The following CCDC175 variants were observed in gnomAD, a reference collection of about 807,000 sequenced individuals.
The protein encoded by CCDC175 is coiled-coil domain containing 175, also known as coiled-coil domain-containing protein 175.
Under a neutral mutation model 114.6 loss-of-function variants are expected in CCDC175, and 100 were observed. The observed-to-expected ratio is 0.87, with a 90% CI of 0.74 to 1.03. The LOEUF is 1.03. Ranked by LOEUF, CCDC175 falls within the 50% of genes least tolerant of loss-of-function variation. The pLI is 0.00. For synonymous variants in CCDC175, 306 were observed against 308.7 expected, an observed-to-expected ratio of 0.99 and a Z score of 0.09; for missense variants, 880 against 917.8, an observed-to-expected ratio of 0.96 and a Z score of 0.53.
chr14:59,538,282 G>A, intron 12 of CCDC175, 128 bp from the exon 13 acceptor site: 1 of 741,222 alleles, frequency 1.3e-6, no homozygotes, highest in Non-Finnish European at 2.1e-6. Flanking sequence ...TAATTTCTCA[G>A]CAACCACTGA....
intron 18 of CCDC175, among the ~76,000 whole-genome samples, chr14:59,511,225 C>T (rs1412184843): frequency 1.3e-5 from 2 of 152,146 alleles, no homozygotes; most frequent in African/African-American, 2.4e-5. Context: ...TCTGGGCCTC[C>T]GCAGCTCCAT....
intron 8 of CCDC175, among the ~76,000 whole-genome samples, chr14:59,548,806 A>G (rs1186717978): frequency 6.6e-6 from 1 of 152,206 alleles, no homozygotes; most frequent in Non-Finnish European, 1.5e-5. Context: ...ATAGCTCACA[A>G]AAGCAAAAAT....
intron 2 of CCDC175, among the ~76,000 whole-genome samples, chr14:59,573,340 T>C (rs1896936910): frequency 1.3e-5 from 2 of 152,150 alleles, no homozygotes; most frequent in African/African-American, 4.8e-5. Context: ...ACTGTCATAA[T>C]AGCTATAGCT....
chr14:59,539,297 G>C (rs1453261724), intron 11 of CCDC175, among the ~76,000 whole-genome samples: 3 of 152,214 alleles, frequency 2.0e-5, no homozygotes, highest in African/African-American at 7.2e-5. Flanking sequence ...TGCAATTAGG[G>C]CCAGGCGCAG....
In CCDC175 at chr14:59,568,703, C is replaced by T. The variant is rs1175634346; in HGVS notation, c.356-323G>A. ...TTCTACATGGGGCTTCTTTATGCAC[C>T]CACACCCATGCATGTATAACCCAGA... is the stretch of plus-strand genomic sequence containing the variant. On this transcript the variant is annotated intron_variant, in intron 3 of 19. Coordinates refer to ENST00000537690, the MANE Select transcript of CCDC175 (RefSeq NM_001164399.2). Among the ~76,000 whole-genome samples, 3 of 152,086 alleles carry T rather than the reference C, an allele frequency of 2.0e-5. No homozygotes were observed. In the East Asian group the frequency reaches 5.8e-4, roughly 29 times the overall value.
At chr14:59,534,399 A>G (rs1014992863) in intron 13 of CCDC175, among the ~76,000 whole-genome samples, 2 of 152,202 alleles carry the variant, frequency 1.3e-5, no homozygotes, top group African/African-American at 2.4e-5. Flanking sequence ...AGAGAGACCA[A>G]TGCAGATTCC....
At chr14:59,576,445 G>T (rs910992599) in intron 1 of CCDC175, among the ~76,000 whole-genome samples, 174 bp downstream of exon 1, 1 of 152,140 alleles carries the variant, frequency 6.6e-6, no homozygotes, top group African/African-American at 2.4e-5. Context: ...CTGGGCACTT[G>T]GTCCCACCCG....
intron 2 of CCDC175, among the ~76,000 whole-genome samples, 155 bp downstream of exon 2, chr14:59,574,788 A>C (rs1254906637): frequency 6.6e-6 from 1 of 152,232 alleles, no homozygotes; most frequent in African/African-American, 2.4e-5. Flanking sequence ...TAATTGTGCA[A>C]ATCCTTACAA....
intron 19 of CCDC175, among the ~76,000 whole-genome samples, chr14:59,508,464 T>C (rs1030785546): frequency 1.2e-4 from 15 of 123,660 alleles, no homozygotes; most frequent in African/African-American, 4.0e-4. Context: ...GGCACGTGCC[T>C]GTAGTCCCTG....
chr14:59,527,588 G>A (rs182529178), intron 14 of CCDC175, among the ~76,000 whole-genome samples: 3 of 152,150 alleles, frequency 2.0e-5, no homozygotes, highest in Admixed American at 6.5e-5. Flanking sequence ...GATTATCCCC[G>A]ATGAGCCAAA....
intron 19 of CCDC175, 57 bp from the exon 20 acceptor site, chr14:59,505,372 G>T (rs1009929388): frequency 4.5e-6 from 4 of 893,256 alleles, no homozygotes; most frequent in Middle Eastern, 3.5e-4. Flanking sequence ...CATTTGGGGG[G>T]TTATTAGTGT....
At chr14:59,529,977 T>G (rs1456143577) in intron 14 of CCDC175, among the ~76,000 whole-genome samples, 1 of 152,208 alleles carries the variant, frequency 6.6e-6, no homozygotes, top group Non-Finnish European at 1.5e-5. Flanking sequence ...ATTAAGAGAT[T>G]TAGTACTTGC....
At chr14:59,528,505 CA>C (rs1379480027) in intron 14 of CCDC175, among the ~76,000 whole-genome samples, 1 of 152,032 alleles carries the variant, frequency 6.6e-6, no homozygotes, top group African/African-American at 2.4e-5. Context: ...CTTACTTCGT[CA>C]TATATAGTAG....
intron 7 of CCDC175, among the ~76,000 whole-genome samples, chr14:59,560,013 T>C (rs1896138882): frequency 6.6e-6 from 1 of 152,134 alleles, no homozygotes; most frequent in Admixed American, 6.6e-5. Context: ...CACTATGACT[T>C]TTTTGTCTAG....
chr14:59,568,424 CA>C (rs1199687662), intron 3 of CCDC175, 44 bp from the exon 4 acceptor site: 1 of 1,437,062 alleles, frequency 7.0e-7, no homozygotes, highest in Non-Finnish European at 9.1e-7. Context: ...TGAGGAAAAG[CA>C]CAACTGTAGA....
intron 17 of CCDC175, among the ~76,000 whole-genome samples, chr14:59,516,655 T>G (rs1426634871): frequency 2.0e-5 from 3 of 152,024 alleles, no homozygotes; most frequent in Non-Finnish European, 4.4e-5. Context: ...AATAACAGGC[T>G]CTGAAATTGA....
intron 11 of CCDC175, among the ~76,000 whole-genome samples, chr14:59,540,287 CAG>C (rs1894691707): frequency 6.6e-6 from 1 of 152,042 alleles, no homozygotes; most frequent in African/African-American, 2.4e-5. Flanking sequence ...GCCTTGGTCA[CAG>C]AGCTAATAAG....
intron 3 of CCDC175, 34 bp downstream of exon 3, chr14:59,572,668 A>G (rs1896904241): frequency 6.0e-6 from 7 of 1,163,076 alleles, no homozygotes; most frequent in East Asian, 2.7e-5. Context: ...TATAAGATCA[A>G]CTAAATTTCT....
chr14:59,528,970 C>T (rs1159692085), intron 14 of CCDC175, among the ~76,000 whole-genome samples: 1 of 152,114 alleles, frequency 6.6e-6, no homozygotes, highest in African/African-American at 2.4e-5. Context: ...TTTGCATTTT[C>T]TCTGTTTCCA....
Sources: gnomAD v4.1 joint callset for allele counts (sites outside exome capture counted in the v4.1 genomes callset) on GRCh38, gnomAD v4.1.1 for gene constraint, MANE v1.5 for transcripts, NCBI Gene and HGNC (gene_info 2026-07-23, HGNC 2026-07-21) for gene names.